USH2A: variants seen among roughly 807,000 people sequenced by gnomAD.
USH2A encodes the protein Usher syndrome 2A (autosomal recessive, mild).
USH2A carries 443 observed loss-of-function variants against 538.9 expected under a neutral mutation model. The observed-to-expected ratio is 0.82, with a 90% CI of 0.76 to 0.89. USH2A has a LOEUF of 0.89. Ranked by LOEUF, USH2A falls within the 40% of genes least tolerant of loss-of-function variation. The pLI is 0.00. For synonymous variants in USH2A, 2,413 were observed against 2,273.5 expected (o/e 1.06, Z -1.75); for missense variants, 6,633 against 6,324.8 (o/e 1.05, Z -1.65).
At chr1:215,741,642 C>G (rs1660308931) in intron 59 of USH2A, 105 bp from the exon 60 acceptor site, 4 of 1,247,690 alleles carry the variant, frequency 3.2e-6, no homozygotes, top group Non-Finnish European at 4.5e-6. Context: ...TTTAACCTGT[C>G]CTTTTGCATA....
chr1:216,358,023 C>T (rs1014568437), intron 4 of USH2A, among the ~76,000 whole-genome samples: 2 of 152,086 alleles, frequency 1.3e-5, no homozygotes, highest in African/African-American at 4.8e-5. Flanking sequence ...TCAGATTATA[C>T]CATTAATAAG....
rs397518005 is a variant in USH2A, at chr1:216,289,297, T to C, written c.1954A>G (p.Ser652Gly). The C allele has an allele frequency of 2.3e-5, 37 of 1,613,952 alleles. No homozygotes were observed. Among genetic ancestry groups the C allele is most frequent in the Non-Finnish European group, 3.1e-5 (36 of 1,179,832 alleles). ...AAACTCACCTGATCACAAAGAATGC[T>C]ACCATTTCTAGTGCCAACTGTATCA... is the stretch of plus-strand genomic sequence containing the variant. Reference protein sequence around the residue: ...DCDTVGTRNGSILCDQIGGQC... With the variant: ...DCDTVGTRNGGILCDQIGGQC... Residue 652 changes from serine to glycine, a missense_variant, in exon 11 of 72, where the codon AGC becomes GGC. Coordinates refer to ENST00000307340, the MANE Select transcript of USH2A (RefSeq NM_206933.4).
At chr1:215,899,482 T>C (rs1665436195) in intron 40 of USH2A, among the ~76,000 whole-genome samples, 1 of 152,228 alleles carries the variant, frequency 6.6e-6, no homozygotes, top group Non-Finnish European at 1.5e-5. Flanking sequence ...TATTCCCAAA[T>C]ATAATCTAGC....
chr1:215,870,305 TA>T (rs1443547509), intron 43 of USH2A, among the ~76,000 whole-genome samples: 6 of 151,674 alleles, frequency 4.0e-5, no homozygotes, highest in African/African-American at 9.7e-5. Context: ...TTTATTTATT[TA>T]TTTTTTTGAG....
intron 58 of USH2A, among the ~76,000 whole-genome samples, chr1:215,757,115 T>A (rs1018194302): frequency 2.6e-4 from 39 of 152,316 alleles, no homozygotes; most frequent in African/African-American, 9.1e-4. Flanking sequence ...TAGCACTTTG[T>A]GATGCATTCT....
chr1:215,776,545 T>G (rs950576498), intron 55 of USH2A, among the ~76,000 whole-genome samples: 1 of 152,110 alleles, frequency 6.6e-6, no homozygotes, highest in African/African-American at 2.4e-5. Flanking sequence ...TCCCTTTCCC[T>G]CCTGTCATTC....
chr1:215,765,686 G>T (rs1407701549), intron 56 of USH2A, among the ~76,000 whole-genome samples: 2 of 152,136 alleles, frequency 1.3e-5, no homozygotes, highest in Non-Finnish European at 2.9e-5. Flanking sequence ...ATCAGTTGGT[G>T]TGTATACTTC....
At chr1:216,124,077 G>A (rs1441386340) in intron 21 of USH2A, among the ~76,000 whole-genome samples, 1 of 152,076 alleles carries the variant, frequency 6.6e-6, no homozygotes, top group Non-Finnish European at 1.5e-5. Flanking sequence ...TATTTTTTAG[G>A]CTGAATTGCT....
At chr1:215,960,878 T>C (rs1214309897) in intron 37 of USH2A, among the ~76,000 whole-genome samples, 3 of 152,100 alleles carry the variant, frequency 2.0e-5, no homozygotes, top group Non-Finnish European at 2.9e-5. Flanking sequence ...GTTCCACTTG[T>C]CACACCATCT....
intron 35 of USH2A, among the ~76,000 whole-genome samples, chr1:215,982,359 T>C (rs1667770469): frequency 6.6e-6 from 1 of 152,180 alleles, no homozygotes; most frequent in Non-Finnish European, 1.5e-5. Flanking sequence ...AGTTAAAGTT[T>C]TACTTGCTAT....
At chr1:216,307,180 A>T (rs1328996174) in intron 9 of USH2A, among the ~76,000 whole-genome samples, 6 of 152,092 alleles carry the variant, frequency 3.9e-5, no homozygotes, top group Admixed American at 1.3e-4. Flanking sequence ...GAGAAAGGCC[A>T]TCAGGTAGGG....
intron 21 of USH2A, among the ~76,000 whole-genome samples, chr1:216,131,831 T>C (rs2033382350): frequency 6.6e-6 from 1 of 152,134 alleles, no homozygotes; most frequent in South Asian, 2.1e-4. Flanking sequence ...TTATTATTAA[T>C]GATAGTAAAT....
rs796790434 is a variant in USH2A, at chr1:216,355,371, GAAAGAAGGAAAGAAAC to G, written c.784+9566_784+9581del. ...AGAAAGAAAGAAAGAAAGAAAGAAA[GAAAGAAGGAAAGAAAC>G]ATATAGTATACAAGAAAACATTTAT... On this transcript the variant is annotated intron_variant, in intron 4 of 71. Transcript: ENST00000307340. 9.9e-5 allele frequency among the ~76,000 whole-genome samples: 13 copies of G among 130,752 alleles called. 1 individual carries two copies. The highest frequency in any genetic ancestry group is 3.5e-4 in the African/African-American group (13 of 37,300). 85.8% of individuals were successfully genotyped at this position (130,752 alleles called of 152,430 possible).
intron 49 of USH2A, among the ~76,000 whole-genome samples, chr1:215,810,119 A>G (rs1180431614): frequency 6.6e-6 from 1 of 152,144 alleles, no homozygotes; most frequent in Non-Finnish European, 1.5e-5. Context: ...GCTATGAAAA[A>G]TGAACTATTT....
At chr1:216,309,146 T>C (rs2102634475) in intron 9 of USH2A, among the ~76,000 whole-genome samples, 1 of 152,258 alleles carries the variant, frequency 6.6e-6, no homozygotes, top group Admixed American at 6.5e-5. Context: ...ATAAAACTGG[T>C]AGGTAGGAAT....
At chr1:215,958,343 A>G (rs969018321) in intron 37 of USH2A, among the ~76,000 whole-genome samples, 5 of 152,158 alleles carry the variant, frequency 3.3e-5, no homozygotes, top group African/African-American at 9.7e-5. Flanking sequence ...GTAACTGGCA[A>G]TTCCAGGAGA....
At chr1:216,088,959 A>G in intron 23 of USH2A, 54 bp downstream of exon 23, 5 of 1,607,692 alleles carry the variant, frequency 3.1e-6, no homozygotes, top group Non-Finnish European at 4.3e-6. Context: ...ACAGAAAAGT[A>G]TGGCAACACC....
chr1:215,714,942 T>G (rs1446844262), intron 61 of USH2A, among the ~76,000 whole-genome samples: 2 of 152,250 alleles, frequency 1.3e-5, no homozygotes, highest in Admixed American at 1.3e-4. Flanking sequence ...GTAAGCTTCC[T>G]CTTAATATCA....
intron 56 of USH2A, 54 bp from the exon 57 acceptor site, chr1:215,759,897 T>C: frequency 1.2e-6 from 2 of 1,607,002 alleles, no homozygotes; most frequent in South Asian, 2.2e-5. Flanking sequence ...AAACAGTGTA[T>C]CAAAAGTCAC....
Sources: allele counts gnomAD v4.1 joint callset (sites outside exome capture counted in the v4.1 genomes callset), GRCh38; gene constraint gnomAD v4.1.1; transcripts MANE v1.5; gene names NCBI Gene and HGNC (gene_info 2026-07-23, HGNC 2026-07-21).